PTPRM: variants seen among roughly 807,000 people sequenced by gnomAD.
PTPRM encodes the protein receptor-type tyrosine-protein phosphatase mu.
In PTPRM, 47 loss-of-function variants were observed where a neutral mutation model predicts 186.7. The observed-to-expected ratio is 0.25, with a 90% CI of 0.20 to 0.32. PTPRM has a LOEUF of 0.32. PTPRM is among the 10% of genes least tolerant of loss of function. PTPRM has a pLI of 1.00. For synonymous variants in PTPRM, 668 were observed against 674.9 expected, an observed-to-expected ratio of 0.99 and a Z score of 0.16; for missense variants, 1,494 against 1,865.0, an observed-to-expected ratio of 0.80 and a Z score of 3.66.
At chr18:8,215,649 C>G (rs1185717718) in intron 14 of PTPRM, among the ~76,000 whole-genome samples, 1 of 149,212 alleles carries the variant, frequency 6.7e-6, no homozygotes, top group Non-Finnish European at 1.5e-5. Flanking sequence ...CTCAAGTGAT[C>G]CTCTCATCTC....
chr18:8,027,704 T>G (rs1320019753), intron 7 of PTPRM, among the ~76,000 whole-genome samples: 1 of 152,168 alleles, frequency 6.6e-6, no homozygotes, highest in Non-Finnish European at 1.5e-5. Context: ...AATTTCTGAA[T>G]TAGTATCAAA....
At chr18:8,265,011 G>C (rs1364169376) in intron 19 of PTPRM, among the ~76,000 whole-genome samples, 1 of 152,166 alleles carries the variant, frequency 6.6e-6, no homozygotes, top group African/African-American at 2.4e-5. Flanking sequence ...ACTCCATGAA[G>C]ACACAGACCT....
chr18:7,581,851 C>G (rs961030836), intron 1 of PTPRM, among the ~76,000 whole-genome samples: 16 of 151,920 alleles, frequency 1.1e-4, no homozygotes, highest in Admixed American at 7.2e-4. Flanking sequence ...GAAGAGATGA[C>G]TTCTCGTTAT....
intron 21 of PTPRM, among the ~76,000 whole-genome samples, chr18:8,318,582 A>G (rs1433774698): frequency 6.6e-6 from 1 of 151,880 alleles, no homozygotes. Context: ...ACAGGCATCA[A>G]CCACCACACC....
intron 23 of PTPRM, among the ~76,000 whole-genome samples, chr18:8,354,084 G>A (rs1469850873): frequency 6.6e-6 from 1 of 152,020 alleles, no homozygotes; most frequent in African/African-American, 2.4e-5. Flanking sequence ...GTGGTGGCGG[G>A]TGCCTGTAAT....
intron 7 of PTPRM, among the ~76,000 whole-genome samples, chr18:8,000,229 CAT>C (rs2083788183): frequency 6.6e-6 from 1 of 152,136 alleles, no homozygotes. Flanking sequence ...CAACCTGACA[CAT>C]AAAATCAACC....
intron 2 of PTPRM, among the ~76,000 whole-genome samples, chr18:7,869,477 C>T (rs80049286): frequency 2.0e-5 from 3 of 152,276 alleles, no homozygotes; most frequent in South Asian, 2.1e-4. Flanking sequence ...TTGCGCTTCC[C>T]GGGAGGCAAT....
intron 7 of PTPRM, among the ~76,000 whole-genome samples, chr18:7,985,577 A>G (rs2082913746): frequency 6.7e-6 from 1 of 149,492 alleles, no homozygotes; most frequent in Non-Finnish European, 1.5e-5. Flanking sequence ...AAATATATAC[A>G]TATACTGGTA....
Position 7,694,716 on chromosome 18 carries a change from C to T in PTPRM, c.74-79433C>T, listed in dbSNP as rs545733773. Among the ~76,000 whole-genome samples the T allele has an allele frequency of 7.9e-5, 12 of 152,202 alleles. No individual in the cohort carries two copies. The South Asian group carries it at 1.2e-3, about 16-fold the overall frequency. On this transcript the variant is annotated intron_variant, in intron 1 of 32. Coordinates refer to ENST00000580170, the MANE Select transcript of PTPRM (RefSeq NM_001105244.2). ...TTCTGGGATTACAGGCATGAGCCGC[C>T]GTGCCGCTGGAAACCCTTTTCCACA...
At chr18:7,766,547 C>T (rs768730920) in intron 1 of PTPRM, among the ~76,000 whole-genome samples, 42 of 152,148 alleles carry the variant, frequency 2.8e-4, no homozygotes, top group Admixed American at 5.2e-4. Flanking sequence ...TCTGATTGGC[C>T]GTGAAAGTTA....
intron 7 of PTPRM, among the ~76,000 whole-genome samples, chr18:7,984,914 T>TAA (rs1452996600): frequency 9.2e-6 from 1 of 109,198 alleles, no homozygotes; most frequent in East Asian, 2.3e-4. Flanking sequence ...TACATATAAT[T>TAA]ATATATACAT....
chr18:8,012,112 TG>T (rs1196078235), intron 7 of PTPRM, among the ~76,000 whole-genome samples: 1 of 152,196 alleles, frequency 6.6e-6, no homozygotes, highest in African/African-American at 2.4e-5. Flanking sequence ...GAGACGCCAC[TG>T]GGGGGCATTG....
At chr18:8,197,776 A>G (rs2093800086) in intron 14 of PTPRM, among the ~76,000 whole-genome samples, 1 of 152,236 alleles carries the variant, frequency 6.6e-6, no homozygotes, top group African/African-American at 2.4e-5. Context: ...GTTCACACAT[A>G]GTGAAAGAGA....
intron 11 of PTPRM, among the ~76,000 whole-genome samples, chr18:8,090,674 C>T (rs1035201309): frequency 2.0e-5 from 3 of 152,300 alleles, no homozygotes; most frequent in South Asian, 4.1e-4. Context: ...CAGCTCACTG[C>T]AGCCTCTGCC....
chr18:7,829,407 AT>A lies in PTPRM; in HGVS notation c.196+55139del, dbSNP rs1414541327. On this transcript the variant is annotated intron_variant, in intron 2 of 32. Transcript: ENST00000580170. ...ACATTCTATCCTAGCTAATCAACGTATTTGTATTTCAGAGATGGGTGGCCAA... is the reference window on the plus strand; with the variant it reads ...ACATTCTATCCTAGCTAATCAACGTATTGTATTTCAGAGATGGGTGGCCAA... 2.6e-5 allele frequency among the ~76,000 whole-genome samples: 4 copies of A among 152,190 alleles called. No individual in the cohort carries two copies. In the East Asian group the frequency reaches 7.7e-4, roughly 29 times the overall value.
chr18:8,281,371 C>T (rs1383907869), intron 19 of PTPRM, among the ~76,000 whole-genome samples: 1 of 152,216 alleles, frequency 6.6e-6, no homozygotes, highest in East Asian at 1.9e-4. Flanking sequence ...CTCTCCTCCT[C>T]CACCTACAGC....
chr18:8,098,236 G>A (rs1023320937), intron 11 of PTPRM, among the ~76,000 whole-genome samples: 47 of 152,144 alleles, frequency 3.1e-4, no homozygotes, highest in Non-Finnish European at 1.5e-4. Flanking sequence ...AATGTTGAGA[G>A]TGAGCATTTC....
At chr18:7,596,964 G>T (rs370726654) in intron 1 of PTPRM, among the ~76,000 whole-genome samples, 1 of 151,262 alleles carries the variant, frequency 6.6e-6, no homozygotes, top group Non-Finnish European at 1.5e-5. Context: ...AGCGATTCTC[G>T]TGCTTCAGCC....
At chr18:8,009,111 A>C (rs527775917) in intron 7 of PTPRM, among the ~76,000 whole-genome samples, 4 of 152,270 alleles carry the variant, frequency 2.6e-5, no homozygotes, top group Admixed American at 6.5e-5. Context: ...AGGAGGAGAG[A>C]GCAAGGACAT....
Sources: gnomAD v4.1 joint callset for allele counts (sites outside exome capture counted in the v4.1 genomes callset) on GRCh38, gnomAD v4.1.1 for gene constraint, MANE v1.5 for transcripts, NCBI Gene and HGNC (gene_info 2026-07-23, HGNC 2026-07-21) for gene names.